Variants in STK4 observed in about 807,000 individuals in gnomAD.
The protein encoded by STK4 is serine/threonine-protein kinase 4.
STK4 carries 30 observed loss-of-function variants against 64.9 expected under a neutral mutation model. The observed-to-expected ratio is 0.46, with a 90% CI of 0.35 to 0.63. The LOEUF (loss-of-function observed/expected upper bound fraction) is 0.63, where lower values mean the gene tolerates loss of function less well. STK4 is among the 20% of genes least tolerant of loss of function. The pLI, the probability that STK4 is intolerant of heterozygous loss-of-function variation, is 0.01. For missense variants in STK4, 466 were observed against 598.5 expected, an observed-to-expected ratio of 0.78 and a Z score of 2.31; for synonymous variants, 177 against 199.0, an observed-to-expected ratio of 0.89 and a Z score of 0.93.
intron 4 of STK4, among the ~76,000 whole-genome samples, chr20:44,984,034 G>A (rs2067485669): frequency 6.6e-6 from 1 of 151,052 alleles, no homozygotes; most frequent in Non-Finnish European, 1.5e-5. Context: ...CTTATATGCA[G>A]CATTAAGTCA....
At chr20:45,065,987 C>A (rs1200447153) in intron 10 of STK4, among the ~76,000 whole-genome samples, 3 of 151,632 alleles carry the variant, frequency 2.0e-5, no homozygotes, top group Non-Finnish European at 4.4e-5. Flanking sequence ...TAATAATGGC[C>A]CCAAAGCATA....
intron 10 of STK4, among the ~76,000 whole-genome samples, chr20:45,069,831 C>T (rs560854153): frequency 6.6e-6 from 1 of 152,050 alleles, no homozygotes. Flanking sequence ...CAATCCCTTA[C>T]AGAACTTATA....
chr20:45,010,661 G>T (rs537377787), intron 9 of STK4, among the ~76,000 whole-genome samples: 6 of 152,168 alleles, frequency 3.9e-5, no homozygotes, highest in Non-Finnish European at 8.8e-5. Context: ...CAGTGGTTAT[G>T]TTCTGAATCA....
chr20:45,045,040 T>C (rs905477582), intron 10 of STK4, among the ~76,000 whole-genome samples: 1 of 152,224 alleles, frequency 6.6e-6, no homozygotes, highest in Non-Finnish European at 1.5e-5. Flanking sequence ...TTATCACTTA[T>C]TTTTATTTCA....
At chr20:45,021,531 G>A (rs1395192916) in intron 9 of STK4, among the ~76,000 whole-genome samples, 1 of 152,186 alleles carries the variant, frequency 6.6e-6, no homozygotes, top group Non-Finnish European at 1.5e-5. Flanking sequence ...TTGAATGTCT[G>A]CTGTTTCTTG....
At chr20:45,019,606 A>C (rs1221774460) in intron 9 of STK4, among the ~76,000 whole-genome samples, 5 of 152,238 alleles carry the variant, frequency 3.3e-5, no homozygotes, top group Non-Finnish European at 7.3e-5. Context: ...AAAATAGGCC[A>C]GTCTTAGCAT....
At chr20:45,030,820 C>T (rs1186490206) in intron 10 of STK4, among the ~76,000 whole-genome samples, 2 of 152,096 alleles carry the variant, frequency 1.3e-5, no homozygotes, top group Admixed American at 6.5e-5. Context: ...CCCATTTTGC[C>T]ATTCATAAAG....
At chr20:44,978,359 A>G in intron 2 of STK4, 84 bp from the exon 3 acceptor site, 1 of 1,500,140 alleles carries the variant, frequency 6.7e-7, no homozygotes. Flanking sequence ...ATATGTTAGA[A>G]CTATCAGTTG....
chr20:45,039,565 T>C (rs1462007071), intron 10 of STK4, among the ~76,000 whole-genome samples: 1 of 152,154 alleles, frequency 6.6e-6, no homozygotes, highest in East Asian at 1.9e-4. Context: ...AGTTTGTCAT[T>C]TTTCATGTAA....
rs869113711 is a variant in STK4 at position 45,011,729 on chromosome 20, ATTT to A, written c.1147+10391_1147+10393del. Among the ~76,000 whole-genome samples the A allele has an allele frequency of 1.5e-3, 171 of 115,276 alleles. 4 individuals carry two copies. Among genetic ancestry groups the A allele is most frequent in the East Asian group, 4.4e-3 (21 of 4,786 alleles). 75.6% of individuals were successfully genotyped at this position (115,276 alleles called of 152,430 possible). A position where few individuals can be genotyped will look rare whatever the true frequency, so the allele number is the denominator to read the frequency against. ...CATACATATATATATATATATATAT[ATTT>A]TTTTTTTTTTTTTTAAGTCAAGTTG... On this transcript the variant is annotated intron_variant, in intron 9 of 10. Coordinates refer to ENST00000372806, the MANE Select transcript of STK4 (RefSeq NM_006282.5).
At chr20:44,982,811 C>G (rs1022433881) in intron 4 of STK4, among the ~76,000 whole-genome samples, 1 of 151,152 alleles carries the variant, frequency 6.6e-6, no homozygotes, top group Non-Finnish European at 1.5e-5. Context: ...GACAACTCTG[C>G]TGTCATGGTA....
chr20:45,056,250 A>G (rs902303799), intron 10 of STK4, among the ~76,000 whole-genome samples: 1 of 152,228 alleles, frequency 6.6e-6, no homozygotes, highest in Admixed American at 6.5e-5. Flanking sequence ...ATCAAGCTAT[A>G]GAACATTTCT....
At chr20:45,027,905 A>G (rs954777839) in intron 10 of STK4, among the ~76,000 whole-genome samples, 11 of 152,210 alleles carry the variant, frequency 7.2e-5, no homozygotes, top group African/African-American at 1.9e-4. Flanking sequence ...AATGACCTCC[A>G]GTAATATCCA....
At chr20:44,990,889 T>G (rs1454289740) in intron 5 of STK4, among the ~76,000 whole-genome samples, 1 of 152,166 alleles carries the variant, frequency 6.6e-6, no homozygotes, top group East Asian at 1.9e-4. Context: ...GCCACCAATT[T>G]CTAAGTCTTT....
rs1980757320 is a variant in STK4, at chr20:45,079,442, C to T, written c.*4266C>T. Reference sequence around the variant, plus strand: ...TGTCCTTTCTAGCATACCATGTTGCCTCTAAAGATTGCAGCTCCTTATTTA... The same window carrying T: ...TGTCCTTTCTAGCATACCATGTTGCTTCTAAAGATTGCAGCTCCTTATTTA... On this transcript the variant is annotated 3_prime_UTR_variant, in exon 11 of 11. Transcript: ENST00000372806. The T allele has an allele frequency of 6.6e-6, 1 of 152,208 alleles. No individual in the cohort carries two copies. Among genetic ancestry groups the T allele is most frequent in the South Asian group, 2.1e-4 (1 of 4,828 alleles). The allele number at this position is 152,208 out of a possible 1,614,324, so 9.4% of individuals were successfully genotyped here. A position where few individuals can be genotyped will look rare whatever the true frequency, so the allele number is the denominator to read the frequency against.
chr20:45,057,293 G>A (rs140766241), intron 10 of STK4, among the ~76,000 whole-genome samples: 200 of 152,332 alleles, frequency 1.3e-3, no homozygotes, highest in African/African-American at 4.6e-3. Context: ...ACGTTCTTCA[G>A]AGAAATGATT....
At chr20:44,999,074 A>T (rs1732949929) in intron 7 of STK4, among the ~76,000 whole-genome samples, 3 of 152,054 alleles carry the variant, frequency 2.0e-5, no homozygotes, top group Admixed American at 2.0e-4. Flanking sequence ...TCTCAAAAAA[A>T]AAAAACAAAG....
At chr20:44,996,716 A>T (rs2067737976) in intron 6 of STK4, among the ~76,000 whole-genome samples, 1 of 152,018 alleles carries the variant, frequency 6.6e-6, no homozygotes, top group Non-Finnish European at 1.5e-5. Flanking sequence ...GAAGTTAATG[A>T]CCCCATTGTG....
intron 2 of STK4, chr20:44,975,245 T>C: frequency 2.5e-6 from 1 of 406,984 alleles, no homozygotes. Flanking sequence ...CATTTTGTTG[T>C]AGGGAATCAA....
Sources: gnomAD v4.1 joint callset for allele counts (sites outside exome capture counted in the v4.1 genomes callset) on GRCh38, gnomAD v4.1.1 for gene constraint, MANE v1.5 for transcripts, NCBI Gene and HGNC (gene_info 2026-07-23, HGNC 2026-07-21) for gene names.